Variants in ARHGEF38 observed in about 807,000 individuals in gnomAD.
The protein encoded by ARHGEF38 is Rho guanine nucleotide exchange factor (GEF) 38.
Under a neutral mutation model 79.9 loss-of-function variants are expected in ARHGEF38, and 79 were observed. The ratio of observed to expected loss-of-function variants is 0.99; its 90% CI spans 0.82 to 1.19. The LOEUF (loss-of-function observed/expected upper bound fraction) is 1.19. Ranked by LOEUF, ARHGEF38 falls within the 50% of genes most tolerant of loss-of-function variation. The pLI is 0.00. For missense variants in ARHGEF38, 962 were observed against 907.2 expected, an observed-to-expected ratio of 1.06 and a Z score of -0.78; for synonymous variants, 366 against 328.3, an observed-to-expected ratio of 1.11 and a Z score of -1.24.
At chr4:105,561,479 A>AGAATGGAATGGAATG (rs1560684620) in intron 1 of ARHGEF38, 6 of 53,348 alleles carry the variant, frequency 1.1e-4, no homozygotes, top group Non-Finnish European at 1.6e-4. Context: ...AGAATAGAAT[A>AGAATGGAATGGAATG]GAATAGAATA....
chr4:105,664,756 A>G (rs1014017031), intron 10 of ARHGEF38, among the ~76,000 whole-genome samples: 2 of 152,182 alleles, frequency 1.3e-5, no homozygotes, highest in Admixed American at 1.3e-4. Context: ...GGGTACAACA[A>G]CATCTAGGTT....
chr4:105,623,643 C>T (rs541158208), intron 3 of ARHGEF38, among the ~76,000 whole-genome samples: 3 of 152,140 alleles, frequency 2.0e-5, no homozygotes, highest in Admixed American at 2.0e-4. Context: ...AGGAAGACAT[C>T]GTGAGCTATC....
chr4:105,671,772 T>C (rs775160259), intron 13 of ARHGEF38, among the ~76,000 whole-genome samples: 2 of 152,264 alleles, frequency 1.3e-5, no homozygotes, highest in African/African-American at 2.4e-5. Flanking sequence ...TGTGGCTATT[T>C]AGACTTTCGT....
chr4:105,574,433 C>A (rs1238641697), intron 1 of ARHGEF38, among the ~76,000 whole-genome samples: 1 of 151,922 alleles, frequency 6.6e-6, no homozygotes, highest in East Asian at 1.9e-4. Flanking sequence ...CACCTGTAAT[C>A]CCAGCTACTT....
intron 4 of ARHGEF38, 65 bp downstream of exon 4, chr4:105,631,110 G>A: frequency 6.6e-7 from 1 of 1,524,012 alleles, no homozygotes; most frequent in Non-Finnish European, 8.8e-7. Flanking sequence ...CATTTTAAAT[G>A]GATGTAGATG....
chr4:105,591,131 T>G (rs989803814), intron 2 of ARHGEF38, among the ~76,000 whole-genome samples: 4 of 151,552 alleles, frequency 2.6e-5, no homozygotes, highest in Admixed American at 1.3e-4. Flanking sequence ...ATATTACCCA[T>G]GATTATAAAA....
intron 1 of ARHGEF38, among the ~76,000 whole-genome samples, chr4:105,584,540 T>C (rs1041546468): frequency 6.6e-6 from 1 of 152,200 alleles, no homozygotes; most frequent in Non-Finnish European, 1.5e-5. Flanking sequence ...GTAATAGATC[T>C]AATAAATGGT....
intron 5 of ARHGEF38, 141 bp from the exon 6 acceptor site, chr4:105,645,047 C>T (rs1729778083): frequency 4.2e-6 from 3 of 719,786 alleles, no homozygotes; most frequent in Non-Finnish European, 4.1e-6. Flanking sequence ...GTCTTTTGCT[C>T]TTGCTTTTAT....
chr4:105,651,802 G>A (rs1730116775), intron 7 of ARHGEF38, among the ~76,000 whole-genome samples: 1 of 152,158 alleles, frequency 6.6e-6, no homozygotes, highest in Non-Finnish European at 1.5e-5. Context: ...CTACAAGCGT[G>A]TGCCACTGCT....
At position 105,613,482 on chromosome 4, in the gene ARHGEF38, C is replaced by T. The variant is rs529057729; in HGVS notation, c.483C>T (p.Asp161=). ...LLSLLEEATT[D]VEPAMQVIGE... ...CATTGTTGGAAGAGGCCACAACAGA[C>T]GTGGAACCGGCCATGCAAGTAATTG... The change falls in exon 3 of 14, where the codon GAC becomes GAT. Residue 161 remains aspartate, a synonymous_variant. Transcript: ENST00000420470. 2.5e-5 allele frequency: 40 copies of T among 1,612,948 alleles called. No individual in the cohort carries two copies. Among genetic ancestry groups the T allele is most frequent in the Middle Eastern group, 1.7e-4 (1 of 6,052 alleles).
chr4:105,572,160 G>A (rs753878515), intron 1 of ARHGEF38, among the ~76,000 whole-genome samples: 9 of 135,126 alleles, frequency 6.7e-5, no homozygotes, highest in Admixed American at 2.3e-4. Context: ...GAGAAGATCT[G>A]TTTTGTTTAA....
At chr4:105,651,786 C>T (rs1004044378) in intron 7 of ARHGEF38, among the ~76,000 whole-genome samples, 1 of 152,268 alleles carries the variant, frequency 6.6e-6, no homozygotes, top group African/African-American at 2.4e-5. Context: ...TCTCAAGTAG[C>T]GCAGACTACA....
chr4:105,613,660 ACT>A (rs1431420438), intron 3 of ARHGEF38, among the ~76,000 whole-genome samples, 153 bp downstream of exon 3: 1 of 151,910 alleles, frequency 6.6e-6, no homozygotes, highest in African/African-American at 2.4e-5. Flanking sequence ...GATTATGCAG[ACT>A]CTGTGTTTAT....
intron 1 of ARHGEF38, among the ~76,000 whole-genome samples, chr4:105,576,370 G>T (rs1726499210): frequency 6.8e-6 from 1 of 147,326 alleles, no homozygotes. Context: ...CACCTCCTTG[G>T]TTAAGTATAT....
rs1306330986 is a variant in ARHGEF38 at position 105,645,342 on chromosome 4, G to C, written c.829G>C (p.Asp277His). The change falls in exon 6 of 14, where the codon GAC (aspartate) becomes CAC (histidine). Residue 277 changes from aspartate to histidine, a missense_variant. Physicochemically the swap from Asp to His is moderately conservative, Grantham distance 81. Coordinates refer to ENST00000420470, the MANE Select transcript of ARHGEF38 (RefSeq NM_001242729.2). ...ALDDAFAAVK[D>H]INVNINELKR... is the part of the protein sequence containing the mutation. ...GGACGATGCCTTTGCTGCTGTGAAG[G>C]ACATTAATGTTAACATCAATGAACT... The C allele has an allele frequency of 6.5e-7, 1 of 1,531,292 alleles. No homozygotes were observed. The highest frequency in any genetic ancestry group is 1.4e-5 in the African/African-American group (1 of 72,798). The allele number at this position is 1,531,292 out of a possible 1,614,324, so 94.9% of individuals were successfully genotyped here. A position where few individuals can be genotyped will look rare whatever the true frequency, so the allele number is the denominator to read the frequency against.
intron 1 of ARHGEF38, among the ~76,000 whole-genome samples, chr4:105,588,038 T>TA (rs1399896136): frequency 6.6e-6 from 1 of 152,226 alleles, no homozygotes; most frequent in Non-Finnish European, 1.5e-5. Context: ...CATTACTTTT[T>TA]AAAGTGTCTG....
intron 2 of ARHGEF38, among the ~76,000 whole-genome samples, chr4:105,596,088 T>A (rs1239883499): frequency 6.6e-6 from 1 of 152,202 alleles, no homozygotes; most frequent in Non-Finnish European, 1.5e-5. Flanking sequence ...AGTCCTTGAA[T>A]GTAAAATGGT....
chr4:105,583,457 G>A (rs1362689417), intron 1 of ARHGEF38, among the ~76,000 whole-genome samples: 2 of 152,050 alleles, frequency 1.3e-5, no homozygotes, highest in Non-Finnish European at 2.9e-5. Context: ...CTCACCTTAA[G>A]GTTTTCCACT....
rs927063052 is a variant in ARHGEF38, at chr4:105,645,343, A to G, written c.830A>G (p.Asp277Gly). Residue 277 changes from aspartate to glycine, a missense_variant, in exon 6 of 14, where the codon GAC (aspartate) becomes GGC (glycine). Asp to Gly is a moderately conservative substitution (Grantham distance 94, BLOSUM62 -1). Transcript: ENST00000420470. Reference protein sequence around the residue: ...ALDDAFAAVKDINVNINELKR... With the variant: ...ALDDAFAAVKGINVNINELKR... ...GACGATGCCTTTGCTGCTGTGAAGGACATTAATGTTAACATCAATGAACTT... is the reference window on the plus strand; with the variant it reads ...GACGATGCCTTTGCTGCTGTGAAGGGCATTAATGTTAACATCAATGAACTT... 1.3e-6 allele frequency: 2 copies of G among 1,530,956 alleles called. No homozygotes were observed. The highest frequency in any genetic ancestry group is 2.0e-5 in the Admixed American group (1 of 49,428). 94.8% of individuals were successfully genotyped at this position (1,530,956 alleles called of 1,614,324 possible).
Sources: allele counts gnomAD v4.1 joint callset (sites outside exome capture counted in the v4.1 genomes callset), GRCh38; gene constraint gnomAD v4.1.1; transcripts MANE v1.5; gene names NCBI Gene and HGNC (gene_info 2026-07-23, HGNC 2026-07-21).